CACNG6: variants seen among roughly 807,000 people sequenced by gnomAD.
CACNG6 encodes calcium voltage-gated channel auxiliary subunit gamma 6, also known as voltage-dependent calcium channel gamma-6 subunit.
CACNG6 carries 21 observed loss-of-function variants against 23.9 expected under a neutral mutation model. The observed-to-expected ratio is 0.88, with a 90% CI of 0.62 to 1.26. The LOEUF is 1.26. Ranked by LOEUF, CACNG6 falls within the 50% of genes most tolerant of loss-of-function variation. The pLI is 0.00. For missense variants in CACNG6, 340 were observed against 352.9 expected, an observed-to-expected ratio of 0.96 and a Z score of 0.29; for synonymous variants, 182 against 168.9, an observed-to-expected ratio of 1.08 and a Z score of -0.60.
intron 1 of CACNG6, among the ~76,000 whole-genome samples, chr19:53,995,805 G>T (rs1173549397): frequency 6.6e-6 from 1 of 152,226 alleles, no homozygotes; most frequent in Non-Finnish European, 1.5e-5. Context: ...GGGATTACAG[G>T]CATGCACCAC....
chr19:53,993,236 G>T (rs1433593972), intron 1 of CACNG6, 28 bp downstream of exon 1: 21 of 1,520,174 alleles, frequency 1.4e-5, no homozygotes, highest in Non-Finnish European at 1.5e-5. Flanking sequence ...CGAGCGCAGG[G>T]CTTGCGTCCC....
At chr19:54,000,771 G>T (rs185448579) in intron 3 of CACNG6, among the ~76,000 whole-genome samples, 1 of 152,006 alleles carries the variant, frequency 6.6e-6, no homozygotes, top group Non-Finnish European at 1.5e-5. Flanking sequence ...GTAGAGACAG[G>T]GTTTCACCAC....
rs1466236183 is a variant in CACNG6, at chr19:53,993,001, G to A, written c.124G>A (p.Ala42Thr). The change falls in exon 1 of 4, where the codon GCG (alanine) becomes ACG (threonine). Residue 42 changes from alanine to threonine, a missense_variant. By Grantham distance (58) the Ala-to-Thr change is moderately conservative (BLOSUM62 0). Transcript: ENST00000252729. ...CGAGCGCGAGGGGAAGGTGAAGCTG[G>A]CGCTGCTGCTGGCCGCCGTGGGCGC... is the stretch of plus-strand genomic sequence containing the variant. ...TPEREGKVKL[A>T]LLLAAVGATL... 1.4e-6 allele frequency: 2 copies of A among 1,454,836 alleles called. No individual in the cohort carries two copies. Among genetic ancestry groups the A allele is most frequent in the African/African-American group, 1.5e-5 (1 of 67,218 alleles). The allele number at this position is 1,454,836 out of a possible 1,614,324, so 90.1% of individuals were successfully genotyped here.
chr19:54,011,452 AAC>A (rs2069713451), intron 3 of CACNG6, among the ~76,000 whole-genome samples: 1 of 144,884 alleles, frequency 6.9e-6, no homozygotes, highest in African/African-American at 2.5e-5. Context: ...AAAAAAAAAA[AAC>A]AAAACAAAAC....
At position 53,992,108 on chromosome 19, in the gene CACNG6, C is replaced by T. The variant is rs1247101099; in HGVS notation, c.-770C>T. 6.6e-6 allele frequency among the ~76,000 whole-genome samples: 1 copy of T among 152,184 alleles called. No individual in the cohort carries two copies. Among genetic ancestry groups the T allele is most frequent in the Non-Finnish European group, 1.5e-5 (1 of 68,016 alleles). ...CTGAATGGCAGGGGAGACCCCTATC[C>T]CCTTTTCCTGAATTCCAGCGAGGCC... is the stretch of plus-strand genomic sequence containing the variant. On this transcript the variant is annotated 5_prime_UTR_variant, in exon 1 of 4. Transcript: ENST00000252729. This position sits in a 1 kb window ranked among gnomAD's most constrained non-coding sequence, Gnocchi z 4.1.
rs1331707874 is a variant in CACNG6, at chr19:54,008,756, C to T, written c.545-3195C>T. 2.6e-5 allele frequency among the ~76,000 whole-genome samples: 4 copies of T among 152,174 alleles called. No individual in the cohort carries two copies. In the East Asian group the frequency reaches 7.7e-4, roughly 29 times the overall value. Reference sequence around the variant, plus strand: ...CAGCTCAAATGGCTTTTCTCGACACCATCCAAAGTCCCTGCTCCACCCCTG... The same window carrying T: ...CAGCTCAAATGGCTTTTCTCGACACTATCCAAAGTCCCTGCTCCACCCCTG... On this transcript the variant is annotated intron_variant, in intron 3 of 3. Transcript: ENST00000252729.
At chr19:54,011,528 C>T (rs2069714652) in intron 3 of CACNG6, among the ~76,000 whole-genome samples, 1 of 151,624 alleles carries the variant, frequency 6.6e-6, no homozygotes, top group African/African-American at 2.4e-5. Flanking sequence ...ACGCGTTTCT[C>T]CCGTCTAGCT....
chr19:54,005,233 A>G (rs968409721), intron 3 of CACNG6, among the ~76,000 whole-genome samples: 5 of 121,162 alleles, frequency 4.1e-5, no homozygotes, highest in African/African-American at 1.6e-4. Flanking sequence ...AAATAAATAA[A>G]TAAATAAATA....
At position 54,012,089 on chromosome 19, in the gene CACNG6, G is replaced by A; in HGVS notation, c.683G>A (p.Gly228Asp). The part of the protein sequence containing the change: ...SWSLGCGVGA[G>D]LILLLGAGCF... ...TCCCTGGGCTGCGGCGTGGGGGCCGGCCTGATCCTGCTGTTGGGGGCCGGC... is the reference window on the plus strand; with the variant it reads ...TCCCTGGGCTGCGGCGTGGGGGCCGACCTGATCCTGCTGTTGGGGGCCGGC... Residue 228 changes from glycine to aspartate, a missense_variant, in exon 4 of 4, where the codon GGC (glycine) becomes GAC (aspartate). Coordinates refer to ENST00000252729, the MANE Select transcript of CACNG6 (RefSeq NM_145814.2). 6.3e-7 allele frequency: 1 copy of A among 1,581,074 alleles called. No individual in the cohort carries two copies. Among genetic ancestry groups the A allele is most frequent in the South Asian group, 1.1e-5 (1 of 87,086 alleles).
intron 3 of CACNG6, among the ~76,000 whole-genome samples, chr19:54,005,288 C>T (rs568851712): frequency 7.1e-4 from 107 of 150,010 alleles, no homozygotes; most frequent in African/African-American, 2.4e-3. Context: ...AAACTGGGCG[C>T]GGTGGCTCAC....
intron 3 of CACNG6, among the ~76,000 whole-genome samples, chr19:54,002,416 G>A (rs1205337185): frequency 6.7e-6 from 1 of 149,802 alleles, no homozygotes; most frequent in Non-Finnish European, 1.5e-5. Flanking sequence ...ACCAAGCCCG[G>A]CCCCTCTCTC....
chr19:54,000,664 C>T (rs921647895), intron 3 of CACNG6, among the ~76,000 whole-genome samples: 5 of 150,436 alleles, frequency 3.3e-5, no homozygotes, highest in South Asian at 2.1e-4. Context: ...CTGCAACCTC[C>T]GCCTGCTGGG....
At chr19:54,011,808 T>C (rs2069718286) in intron 3 of CACNG6, 143 bp from the exon 4 acceptor site, 3 of 421,158 alleles carry the variant, frequency 7.1e-6, no homozygotes, top group South Asian at 1.1e-4. Context: ...GCCTGCTATA[T>C]AGTAGGTGTT....
chr19:54,007,553 A>T, intron 3 of CACNG6, among the ~76,000 whole-genome samples: 1 of 152,316 alleles, frequency 6.6e-6, no homozygotes, highest in Non-Finnish European at 1.5e-5. Flanking sequence ...ATCATATTAT[A>T]TGTATTTTGT....
chr19:53,992,542 T>C lies in CACNG6; in HGVS notation c.-336T>C. Reference sequence around the variant, plus strand: ...TGGAGCTCTTGGGGGGACTCCCTCCTGGGAAGCCGAATTCTATCTCTAAAC... The same window carrying C: ...TGGAGCTCTTGGGGGGACTCCCTCCCGGGAAGCCGAATTCTATCTCTAAAC... On this transcript the variant is annotated 5_prime_UTR_variant, in exon 1 of 4. Transcript: ENST00000252729. The surrounding 1 kb of genome is among the most constrained non-coding windows in gnomAD (Gnocchi z 4.1). 2 of 193,678 alleles carry C rather than the reference T, an allele frequency of 1.0e-5. No individual in the cohort carries two copies. Among genetic ancestry groups the C allele is most frequent in the Non-Finnish European group, 2.1e-5 (2 of 96,048 alleles). The allele number at this position is 193,678 out of a possible 1,614,324, so 12.0% of individuals were successfully genotyped here. A position where few individuals can be genotyped will look rare whatever the true frequency, so the allele number is the denominator to read the frequency against.
At chr19:53,999,829 C>G (rs906556788) in intron 3 of CACNG6, 58 bp downstream of exon 3, 9 of 1,585,366 alleles carry the variant, frequency 5.7e-6, no homozygotes, top group Non-Finnish European at 7.7e-6. Context: ...TCTCCAGGCA[C>G]TGTTGCATGC....
chr19:53,997,787 A>C (rs1447130861), intron 1 of CACNG6, among the ~76,000 whole-genome samples: 2 of 151,954 alleles, frequency 1.3e-5, no homozygotes, highest in Non-Finnish European at 2.9e-5. Context: ...AATCCGCAGG[A>C]GCTCTTTGTG....
chr19:54,000,611 C>G (rs1438594949), intron 3 of CACNG6, among the ~76,000 whole-genome samples: 1 of 152,148 alleles, frequency 6.6e-6, no homozygotes, highest in African/African-American at 2.4e-5. Context: ...CAGAGTCTCC[C>G]TTTGTCTCCC....
rs755120014 is a variant in CACNG6, at chr19:54,012,106, G to C, written c.700G>C (p.Gly234Arg). 2.0e-5 allele frequency: 31 copies of C among 1,572,920 alleles called. No individual in the cohort carries two copies. The highest frequency in any genetic ancestry group is 2.6e-5 in the Non-Finnish European group (30 of 1,161,484). ...GGGGGCCGGCCTGATCCTGCTGTTG[G>C]GGGCCGGCTGCTTTCTGCTGCTCAC... The part of the protein sequence containing the change: ...GVGAGLILLL[G>R]AGCFLLLTLP... Residue 234 changes from glycine to arginine, a missense_variant, in exon 4 of 4, where the codon GGG (glycine) becomes CGG (arginine). Physicochemically the swap from Gly to Arg is moderately radical, Grantham distance 125 (BLOSUM62 -2). Coordinates refer to ENST00000252729, the MANE Select transcript of CACNG6 (RefSeq NM_145814.2).
Sources: gnomAD v4.1 joint callset for allele counts (sites outside exome capture counted in the v4.1 genomes callset) on GRCh38, gnomAD v4.1.1 for gene constraint, Gnocchi (gnomAD v3.1) non-coding constraint, MANE v1.5 for transcripts, NCBI Gene and HGNC (gene_info 2026-07-23, HGNC 2026-07-21) for gene names.